The following PHACTR1 variants were observed in gnomAD, a reference collection of about 807,000 sequenced individuals.
PHACTR1 encodes the protein RPEL repeat containing 1.
In PHACTR1, 16 loss-of-function variants were observed where a neutral mutation model predicts 69.2. The ratio of observed to expected loss-of-function variants is 0.23; its 90% CI spans 0.16 to 0.35. The LOEUF is 0.35. Among genes scored for constraint, PHACTR1 ranks in the 10% least tolerant of loss-of-function variants. PHACTR1 has a pLI of 1.00. For missense variants in PHACTR1, 510 were observed against 734.7 expected (o/e 0.69, Z 3.54); for synonymous variants, 312 against 284.5 (o/e 1.10, Z -0.97).
intron 8 of PHACTR1, among the ~76,000 whole-genome samples, chr6:13,226,289 A>G (rs1358747013): frequency 1.3e-5 from 2 of 152,256 alleles, no homozygotes; most frequent in Non-Finnish European, 2.9e-5. Flanking sequence ...GAAGGAAGGA[A>G]GTTAATTGAA....
intron 5 of PHACTR1, among the ~76,000 whole-genome samples, chr6:13,057,726 T>C (rs1285038978): frequency 1.3e-5 from 2 of 152,316 alleles, no homozygotes; most frequent in African/African-American, 4.8e-5. Flanking sequence ...GAAAACTATA[T>C]TGGAAAATTA....
chr6:12,866,516 C>T (rs1275946621), intron 4 of PHACTR1, among the ~76,000 whole-genome samples: 3 of 151,848 alleles, frequency 2.0e-5, no homozygotes, highest in Admixed American at 6.5e-5. Context: ...CACCCCAGGA[C>T]TGCTATTTTT....
chr6:13,166,100 G>A (rs962336821), intron 6 of PHACTR1, among the ~76,000 whole-genome samples: 6 of 152,010 alleles, frequency 3.9e-5, no homozygotes, highest in East Asian at 3.9e-4. Flanking sequence ...CGAGGTTTGC[G>A]TTGGCTGCGC....
intron 4 of PHACTR1, among the ~76,000 whole-genome samples, chr6:12,997,781 C>T (rs894788477): frequency 1.3e-5 from 2 of 151,990 alleles, no homozygotes; most frequent in Non-Finnish European, 2.9e-5. Context: ...GGTGAAACCC[C>T]GTCTCTACTA....
At chr6:12,790,651 T>A (rs1000467494) in intron 4 of PHACTR1, among the ~76,000 whole-genome samples, 5 of 152,214 alleles carry the variant, frequency 3.3e-5, no homozygotes, top group Admixed American at 6.5e-5. Flanking sequence ...GAGAGACTGA[T>A]CATGGCCAAT....
chr6:12,717,445 T>A (rs909762807), intron 1 of PHACTR1, 64 bp from the exon 2 acceptor site: 1 of 152,078 alleles, frequency 6.6e-6, no homozygotes, highest in African/African-American at 2.4e-5. Flanking sequence ...GATGTATGCA[T>A]GTGGATTTGA....
chr6:12,851,551 ACT>A (rs1779828309), intron 4 of PHACTR1, among the ~76,000 whole-genome samples: 1 of 152,216 alleles, frequency 6.6e-6, no homozygotes, highest in Non-Finnish European at 1.5e-5. Flanking sequence ...GCACCCAGTA[ACT>A]CATCATGCAC....
At chr6:12,980,129 G>C (rs1245841799) in intron 4 of PHACTR1, among the ~76,000 whole-genome samples, 5 of 152,244 alleles carry the variant, frequency 3.3e-5, no homozygotes, top group African/African-American at 1.2e-4. Flanking sequence ...CAAAAGGAGG[G>C]TGGCATAAGT....
chr6:13,010,809 A>G (rs1799367452), intron 4 of PHACTR1, among the ~76,000 whole-genome samples: 1 of 151,786 alleles, frequency 6.6e-6, no homozygotes, highest in African/African-American at 2.4e-5. Context: ...CATTTAGATC[A>G]ACTTGGTTAA....
In PHACTR1 at chr6:12,934,754, T is replaced by G. The variant is rs141210199; in HGVS notation, c.251-118611T>G. Reference sequence around the variant, plus strand: ...AGGAGACTGGGGCAGGAGAATCGCTTGAGCCTGGGAAGCAGAGGTTGCGGT... The same window carrying G: ...AGGAGACTGGGGCAGGAGAATCGCTGGAGCCTGGGAAGCAGAGGTTGCGGT... On this transcript the variant is annotated intron_variant, in intron 4 of 14. Coordinates refer to ENST00000332995, the MANE Select transcript of PHACTR1 (RefSeq NM_030948.6). Among the ~76,000 whole-genome samples the G allele has an allele frequency of 7.6e-3, 1,162 of 152,084 alleles. 22 individuals carry two copies. The highest frequency in any genetic ancestry group is 0.026 in the African/African-American group (1,080 of 41,476).
intron 8 of PHACTR1, among the ~76,000 whole-genome samples, chr6:13,220,327 T>C (rs1363882644): frequency 6.6e-6 from 1 of 152,274 alleles, no homozygotes; most frequent in African/African-American, 2.4e-5. Context: ...TATTTGGTGC[T>C]ACCTAGGTGA....
At chr6:12,830,093 GAA>G (rs1368980452) in intron 4 of PHACTR1, among the ~76,000 whole-genome samples, 1 of 4,734 alleles carries the variant, frequency 2.1e-4, no homozygotes, top group Admixed American at 2.9e-3. Flanking sequence ...AGGAAGGAGG[GAA>G]AGAAAGAAAG....
intron 4 of PHACTR1, among the ~76,000 whole-genome samples, chr6:12,773,794 T>C (rs1769696753): frequency 6.6e-6 from 1 of 152,236 alleles, no homozygotes; most frequent in African/African-American, 2.4e-5. Context: ...AAATACCTAA[T>C]ATTTTTCCCA....
rs1184090374 is a variant in PHACTR1 at position 12,906,311 on chromosome 6, T to C, written c.251-147054T>C. 2.0e-5 allele frequency among the ~76,000 whole-genome samples: 3 copies of C among 152,244 alleles called. No homozygotes were observed. The East Asian group carries it at 5.8e-4, about 29-fold the overall frequency. ...GCTTACAATACATATAAATTATGTG[T>C]TTCTATTTTCTCATTTCCTATGATC... On this transcript the variant is annotated intron_variant, in intron 4 of 14. Transcript: ENST00000332995.
In PHACTR1 at chr6:12,864,164, G is replaced by A. The variant is rs369071514; in HGVS notation, c.250+114374G>A. On this transcript the variant is annotated intron_variant, in intron 4 of 14. Transcript: ENST00000332995. ...CTGAGTGTCAATCACAAATAAGGAA[G>A]CGAGGATGTGGGTACACAAATTCAG... Among the ~76,000 whole-genome samples the A allele has an allele frequency of 2.0e-4, 31 of 152,310 alleles. No individual in the cohort carries two copies. In the East Asian group the frequency reaches 3.1e-3, roughly 15 times the overall value.
chr6:12,927,725 C>G (rs1788423117), intron 4 of PHACTR1, among the ~76,000 whole-genome samples: 2 of 152,196 alleles, frequency 1.3e-5, no homozygotes, highest in African/African-American at 4.8e-5. Context: ...GCCTGGGGCT[C>G]AGGACCATTT....
In PHACTR1 at chr6:13,173,636, C is replaced by T. The variant is rs903036725; in HGVS notation, c.497-8883C>T. 3.9e-5 allele frequency among the ~76,000 whole-genome samples: 6 copies of T among 152,184 alleles called. No individual in the cohort carries two copies. In the South Asian group the frequency reaches 6.2e-4, roughly 16 times the overall value. On this transcript the variant is annotated intron_variant, in intron 6 of 14. Transcript: ENST00000332995. ...TGACTATCGGGGCAACTGGCAGCTT[C>T]GATTGCAGTGATTTGAAAGGTTGTT...
Position 13,038,488 on chromosome 6 carries a change from T to TAAA in PHACTR1, c.251-14860_251-14858dup, listed in dbSNP as rs34433834. ...ACTTTTGCATGAGTGTTCAAGTGTT[T>TAAA]AAAAAAAAAAAAAAAAAAAGGAAGG... is the stretch of plus-strand genomic sequence containing the variant. On this transcript the variant is annotated intron_variant, in intron 4 of 14. Coordinates refer to ENST00000332995, the MANE Select transcript of PHACTR1 (RefSeq NM_030948.6). Among the ~76,000 whole-genome samples, 314 of 124,166 alleles carry TAAA rather than the reference T, an allele frequency of 2.5e-3. 3 individuals carry two copies. Among genetic ancestry groups the TAAA allele is most frequent in the South Asian group, 0.02 (76 of 3,872 alleles). The allele number at this position is 124,166 out of a possible 152,430, so 81.5% of individuals were successfully genotyped here. A position where few individuals can be genotyped will look rare whatever the true frequency, so the allele number is the denominator to read the frequency against.
chr6:12,962,187 G>A (rs1792834506), intron 4 of PHACTR1, among the ~76,000 whole-genome samples: 1 of 152,026 alleles, frequency 6.6e-6, no homozygotes, highest in Admixed American at 6.6e-5. Context: ...CTCACTCCTT[G>A]GCCTCCCAAA....
Sources: gnomAD v4.1 joint callset for allele counts (sites outside exome capture counted in the v4.1 genomes callset) on GRCh38, gnomAD v4.1.1 for gene constraint, MANE v1.5 for transcripts, NCBI Gene and HGNC (gene_info 2026-07-23, HGNC 2026-07-21) for gene names.